The following CDH7 variants were observed in gnomAD, a reference collection of about 807,000 sequenced individuals.
CDH7 encodes cadherin 7, also known as cadherin-7.
CDH7 carries 25 observed loss-of-function variants against 71.8 expected under a neutral mutation model. The observed-to-expected ratio is 0.35, with a 90% CI of 0.25 to 0.49. CDH7 has a LOEUF of 0.49. Among genes scored for constraint, CDH7 ranks in the 20% least tolerant of loss-of-function variants. CDH7 has a pLI of 0.99. For missense variants in CDH7, 862 were observed against 974.6 expected, an observed-to-expected ratio of 0.88 and a Z score of 1.54; for synonymous variants, 381 against 363.8, an observed-to-expected ratio of 1.05 and a Z score of -0.54.
At chr18:65,778,712 T>TAATA (rs1230821665) in intron 2 of CDH7, among the ~76,000 whole-genome samples, 1 of 151,510 alleles carries the variant, frequency 6.6e-6, no homozygotes, top group African/African-American at 2.4e-5. Flanking sequence ...GTTTATTTCA[T>TAATA]AATAAATAAA....
chr18:65,778,187 C>T (rs1366174652), intron 2 of CDH7, among the ~76,000 whole-genome samples: 2 of 149,566 alleles, frequency 1.3e-5, no homozygotes, highest in Non-Finnish European at 3.0e-5. Context: ...CAGGAGAATC[C>T]CTTGAACCCA....
At chr18:65,834,657 C>G (rs1484726) in intron 6 of CDH7, among the ~76,000 whole-genome samples, 104,565 of 152,118 alleles carry the variant, frequency 0.69, 36,317 homozygotes, top group East Asian at 0.95. Context: ...TTGATGGATC[C>G]TGACATCTAT....
At chr18:65,788,232 G>A (rs941544970) in intron 2 of CDH7, among the ~76,000 whole-genome samples, 1 of 152,140 alleles carries the variant, frequency 6.6e-6, no homozygotes, top group African/African-American at 2.4e-5. Flanking sequence ...CTGACTGGAT[G>A]TACCAAGGAC....
intron 2 of CDH7, among the ~76,000 whole-genome samples, chr18:65,805,515 C>CTG (rs1911284331): frequency 6.6e-6 from 1 of 152,124 alleles, no homozygotes; most frequent in Non-Finnish European, 1.5e-5. Context: ...GCTGAAAAGG[C>CTG]CAAAGAAGGA....
chr18:65,779,910 A>G (rs1455560498), intron 2 of CDH7, among the ~76,000 whole-genome samples: 7 of 82,366 alleles, frequency 8.5e-5, no homozygotes, highest in Non-Finnish European at 1.5e-4. Flanking sequence ...ACTAGTTTAC[A>G]GTCCCACCAA....
At chr18:65,875,339 GACTTGATGAT>G (rs1319870254) in intron 11 of CDH7, among the ~76,000 whole-genome samples, 9 of 152,116 alleles carry the variant, frequency 5.9e-5, no homozygotes, top group African/African-American at 2.2e-4. Flanking sequence ...AGGACCACAG[GACTTGATGAT>G]ACTCCAATAG....
chr18:65,821,582 C>T (rs764848806), intron 4 of CDH7, among the ~76,000 whole-genome samples: 3 of 152,008 alleles, frequency 2.0e-5, no homozygotes, highest in Non-Finnish European at 4.4e-5. Flanking sequence ...AGATCTGTTG[C>T]AGATGTATGT....
chr18:65,864,063 A>G (rs2072040838), intron 11 of CDH7: 1 of 152,220 alleles, frequency 6.6e-6, no homozygotes, highest in African/African-American at 2.4e-5. Context: ...TTATTGTCTT[A>G]AGTAACTTAA....
At chr18:65,776,138 A>G (rs1312885998) in intron 2 of CDH7, among the ~76,000 whole-genome samples, 3 of 152,120 alleles carry the variant, frequency 2.0e-5, no homozygotes, top group Non-Finnish European at 2.9e-5. Flanking sequence ...GAAGAGTGAT[A>G]CATGTTATTT....
chr18:65,795,102 G>A (rs532770623), intron 2 of CDH7, among the ~76,000 whole-genome samples: 1 of 152,116 alleles, frequency 6.6e-6, no homozygotes, highest in Non-Finnish European at 1.5e-5. Context: ...AATTAGAATG[G>A]ATCGAGTGTG....
At chr18:65,861,107 C>G (rs1452842057) in intron 10 of CDH7, among the ~76,000 whole-genome samples, 1 of 152,140 alleles carries the variant, frequency 6.6e-6, no homozygotes, top group Admixed American at 6.5e-5. Context: ...CTGTACAGCA[C>G]GTGCACTAAA....
intron 2 of CDH7, among the ~76,000 whole-genome samples, chr18:65,808,430 G>T (rs1426656814): frequency 1.3e-5 from 2 of 152,102 alleles, no homozygotes; most frequent in African/African-American, 4.8e-5. Context: ...ATATGGCTTA[G>T]GATCCACTAG....
chr18:65,762,603 T>C (rs1424755003), intron 1 of CDH7, 44 bp from the exon 2 acceptor site: 8 of 350,354 alleles, frequency 2.3e-5, no homozygotes, highest in Admixed American at 8.8e-5. Context: ...AATATTATTA[T>C]GTGTTTTGGT....
rs576644257 is a variant in CDH7, at chr18:65,883,092, G to A, written c.*2198G>A. On this transcript the variant is annotated 3_prime_UTR_variant, in exon 12 of 12. Transcript: ENST00000397968. ...TTTTTTCTCATTAATTTTTTCAAAT[G>A]GTTACCAATGATAGATTGGAAAAAG... The A allele has an allele frequency of 2.2e-4, 33 of 151,936 alleles. No individual in the cohort carries two copies. Among genetic ancestry groups the A allele is most frequent in the African/African-American group, 8.0e-4 (33 of 41,468 alleles). 9.4% of individuals were successfully genotyped at this position (151,936 alleles called of 1,614,324 possible).
intron 2 of CDH7, among the ~76,000 whole-genome samples, chr18:65,793,382 C>G (rs1178574201): frequency 1.3e-5 from 2 of 149,014 alleles, no homozygotes; most frequent in Non-Finnish European, 1.5e-5. Flanking sequence ...TGTAGTGCCA[C>G]TGTACTCCAG....
intron 10 of CDH7, 39 bp from the exon 11 acceptor site, chr18:65,862,627 C>T (rs772226800): frequency 6.3e-7 from 1 of 1,593,170 alleles, no homozygotes; most frequent in East Asian, 2.2e-5. Flanking sequence ...CTGATTCCAT[C>T]AGAAATCTGG....
intron 7 of CDH7, among the ~76,000 whole-genome samples, chr18:65,852,709 A>G (rs1444377279): frequency 2.0e-5 from 3 of 152,158 alleles, no homozygotes; most frequent in African/African-American, 7.2e-5. Flanking sequence ...TAGCAAATAT[A>G]GTTTTTCAGA....
Position 65,766,885 on chromosome 18 carries a change from TAAAAAAAAAAAA to T in CDH7, c.210+3859_210+3870del, listed in dbSNP as rs61611288. Among the ~76,000 whole-genome samples the T allele has an allele frequency of 3.2e-3, 285 of 88,618 alleles. 5 individuals are homozygous for T. The highest frequency in any genetic ancestry group is 6.9e-3 in the African/African-American group (219 of 31,838). 58.1% of individuals were successfully genotyped at this position (88,618 alleles called of 152,430 possible). Reference sequence around the variant, plus strand: ...CTTAACGTCCTGTAACTGTCTGACGTAAAAAAAAAAAAAAAAAAAAAAAAAAAAAAAAAAAAA... The same window carrying T: ...CTTAACGTCCTGTAACTGTCTGACGTAAAAAAAAAAAAAAAAAAAAAAAAA... On this transcript the variant is annotated intron_variant, in intron 2 of 11. Transcript: ENST00000397968.
At chr18:65,844,649 T>G (rs1912872463) in intron 7 of CDH7, among the ~76,000 whole-genome samples, 1 of 152,102 alleles carries the variant, frequency 6.6e-6, no homozygotes, top group Non-Finnish European at 1.5e-5. Context: ...ACTGACACAA[T>G]GGTGATATGT....
Sources: gnomAD v4.1 joint callset for allele counts (sites outside exome capture counted in the v4.1 genomes callset) on GRCh38, gnomAD v4.1.1 for gene constraint, MANE v1.5 for transcripts, NCBI Gene and HGNC (gene_info 2026-07-23, HGNC 2026-07-21) for gene names.